The following RBFOX3 variants were observed in gnomAD, a reference collection of about 807,000 sequenced individuals.
RBFOX3 encodes the protein RNA binding protein fox-1 homolog 3.
In RBFOX3, 17 loss-of-function variants were observed where a neutral mutation model predicts 48.7. That is an observed-to-expected ratio of 0.35 (90% CI 0.24 to 0.52). RBFOX3 has a LOEUF of 0.52. RBFOX3 is among the 20% of genes least tolerant of loss of function. The pLI is 0.94. For missense variants in RBFOX3, 382 were observed against 497.5 expected (o/e 0.77, Z 2.21); for synonymous variants, 212 against 209.5 (o/e 1.01, Z -0.10).
Position 79,332,160 on chromosome 17 carries a change from C to A in RBFOX3, c.-174-24336G>T, listed in dbSNP as rs187489939. 2.0e-4 allele frequency among the ~76,000 whole-genome samples: 31 copies of A among 152,316 alleles called. No homozygotes were observed. In the East Asian group the frequency reaches 5.8e-3, roughly 29 times the overall value. ...TTAGCGGCTGCCTGCCTTCTTTCCC[C>A]ACACCCCTTGCCATTTCCTGCTCCT... On this transcript the variant is annotated intron_variant, in intron 2 of 14. Coordinates refer to ENST00000693108, the MANE Select transcript of RBFOX3 (RefSeq NM_001350451.2).
chr17:79,620,383 A>G, the RBFOX3 span, among the ~76,000 whole-genome samples: 5 of 147,846 alleles, frequency 3.4e-5, no homozygotes, highest in South Asian at 1.1e-3. Flanking sequence ...ATACACACAC[A>G]TGCACACATG....
At chr17:79,573,251 T>A (rs1262528482) in intron 1 of RBFOX3, among the ~76,000 whole-genome samples, 2 of 152,012 alleles carry the variant, frequency 1.3e-5, no homozygotes, top group African/African-American at 4.8e-5. Flanking sequence ...CTGAGACAGA[T>A]GAAAAGGAGA....
At chr17:79,296,628 CCA>C (rs1388281531) in intron 3 of RBFOX3, among the ~76,000 whole-genome samples, 2 of 152,016 alleles carry the variant, frequency 1.3e-5, no homozygotes, top group Non-Finnish European at 2.9e-5. Flanking sequence ...TTTGCTTCCT[CCA>C]CACACACCAG....
chr17:79,441,743 A>G (rs964059686), intron 2 of RBFOX3, among the ~76,000 whole-genome samples: 1 of 152,052 alleles, frequency 6.6e-6, no homozygotes, highest in Non-Finnish European at 1.5e-5. Context: ...CTGGGAAATG[A>G]GGGTGGAGCC....
chr17:79,317,920 T>C (rs1416078219), intron 2 of RBFOX3, among the ~76,000 whole-genome samples: 2 of 152,176 alleles, frequency 1.3e-5, no homozygotes, highest in African/African-American at 2.4e-5. Flanking sequence ...AACTTCCCTA[T>C]CTTGAGTTGT....
chr17:79,152,248 T>A (rs886695970), intron 4 of RBFOX3, among the ~76,000 whole-genome samples: 1 of 152,074 alleles, frequency 6.6e-6, no homozygotes, highest in African/African-American at 2.4e-5. Context: ...CTCTAGCACC[T>A]GGGGCCTGGC....
intron 2 of RBFOX3, among the ~76,000 whole-genome samples, chr17:79,341,813 C>G (rs1402945411): frequency 6.6e-6 from 1 of 152,200 alleles, no homozygotes; most frequent in East Asian, 1.9e-4. Context: ...AACCATGTGC[C>G]CCTGCAAACC....
chr17:79,175,536 T>C (rs2050343467), intron 4 of RBFOX3, among the ~76,000 whole-genome samples: 1 of 151,554 alleles, frequency 6.6e-6, no homozygotes, highest in African/African-American at 2.4e-5. Flanking sequence ...CCCACTGGAG[T>C]GTGATGAAGC....
chr17:79,662,041 A>G, the RBFOX3 span, among the ~76,000 whole-genome samples: 3 of 151,728 alleles, frequency 2.0e-5, no homozygotes, highest in Non-Finnish European at 4.4e-5. Flanking sequence ...TCTTTGAATC[A>G]TGAAGATATT....
At chr17:79,286,353 A>G (rs1375186567) in intron 3 of RBFOX3, among the ~76,000 whole-genome samples, 1 of 152,138 alleles carries the variant, frequency 6.6e-6, no homozygotes, top group Non-Finnish European at 1.5e-5. Flanking sequence ...CCCGGCTGCC[A>G]TCTGCAGTTC....
At position 79,149,187 on chromosome 17, in the gene RBFOX3, C is replaced by T. The variant is rs528403493; in HGVS notation, c.-33-33439G>A. 1.1e-3 allele frequency among the ~76,000 whole-genome samples: 167 copies of T among 152,350 alleles called. 3 individuals are homozygous for T. In the South Asian group the frequency reaches 0.03, roughly 27 times the overall value. On this transcript the variant is annotated intron_variant, in intron 4 of 14. Transcript: ENST00000693108. ...AATGCGACGTCTGTGCTATTATTGC[C>T]GGGGTTACACCAGGGATGGTGTTTC...
At chr17:79,194,045 G>A (rs76373669) in intron 4 of RBFOX3, among the ~76,000 whole-genome samples, 14,722 of 152,230 alleles carry the variant, frequency 0.097, 728 homozygotes, top group South Asian at 0.12. Context: ...CCGAAACCCT[G>A]ATGTTCTCCC....
At chr17:79,275,162 C>T (rs2068547251) in intron 3 of RBFOX3, among the ~76,000 whole-genome samples, 1 of 148,302 alleles carries the variant, frequency 6.7e-6, no homozygotes, top group South Asian at 2.2e-4. Flanking sequence ...GTCTCCCTCC[C>T]TATCTCTCTC....
chr17:79,534,708 C>T (rs1389164706), intron 1 of RBFOX3, among the ~76,000 whole-genome samples: 6 of 152,190 alleles, frequency 3.9e-5, no homozygotes, highest in Non-Finnish European at 8.8e-5. Flanking sequence ...GACCTAACAG[C>T]GGTGTCTGGA....
In RBFOX3 at chr17:79,111,231, T is replaced by A. The variant is rs1416237458; in HGVS notation, c.222+4263A>T. Reference sequence around the variant, plus strand: ...TCTATGCCTGCAGTGAAGCCAGGGGTGCAGAGCCCAGGTCCCCAGCAGGCA... The same window carrying A: ...TCTATGCCTGCAGTGAAGCCAGGGGAGCAGAGCCCAGGTCCCCAGCAGGCA... On this transcript the variant is annotated intron_variant, in intron 5 of 14. Coordinates refer to ENST00000693108, the MANE Select transcript of RBFOX3 (RefSeq NM_001350451.2). This position sits in a 1 kb window ranked among gnomAD's most constrained non-coding sequence, Gnocchi z 4.2. Among the ~76,000 whole-genome samples, 5 of 152,078 alleles carry A rather than the reference T, an allele frequency of 3.3e-5. No individual in the cohort carries two copies. Among genetic ancestry groups the A allele is most frequent in the Non-Finnish European group, 7.4e-5 (5 of 68,008 alleles).
In RBFOX3 at chr17:79,354,712, C is replaced by T. The variant is rs937812151; in HGVS notation, c.-174-46888G>A. ...GGGAGAGGAGCCCTCAGGAGGGTTT[C>T]CCTTCCCAGATGTGTGAGAGACTCA... On this transcript the variant is annotated intron_variant, in intron 2 of 14. Transcript: ENST00000693108. Among the ~76,000 whole-genome samples the T allele has an allele frequency of 1.4e-4, 22 of 152,356 alleles. 1 individual carries two copies. Among genetic ancestry groups the T allele is most frequent in the African/African-American group, 4.6e-4 (19 of 41,586 alleles).
chr17:79,568,914 C>A (rs2092565339), intron 1 of RBFOX3, among the ~76,000 whole-genome samples: 1 of 152,028 alleles, frequency 6.6e-6, no homozygotes, highest in Admixed American at 6.5e-5. Flanking sequence ...GAGCTCCGGA[C>A]CCAGTGAGGA....
intron 2 of RBFOX3, among the ~76,000 whole-genome samples, chr17:79,412,245 T>C (rs1044658811): frequency 4.6e-5 from 7 of 151,850 alleles, no homozygotes; most frequent in Admixed American, 1.3e-4. Context: ...GTGTGATATG[T>C]GTGAGTGTAT....
At chr17:79,485,719 G>T (rs963767952) in intron 1 of RBFOX3, among the ~76,000 whole-genome samples, 11 of 152,316 alleles carry the variant, frequency 7.2e-5, no homozygotes, top group South Asian at 2.1e-4. Context: ...AGACACGAGC[G>T]ATCCACAGGC....
Sources: allele counts gnomAD v4.1 joint callset (sites outside exome capture counted in the v4.1 genomes callset), GRCh38; gene constraint gnomAD v4.1.1; non-coding constraint Gnocchi (gnomAD v3.1); transcripts MANE v1.5; gene names NCBI Gene and HGNC (gene_info 2026-07-23, HGNC 2026-07-21).